Variants in CEP83 observed in about 807,000 individuals in gnomAD.
The protein encoded by CEP83 is centrosomal protein of 83 kDa.
CEP83 carries 70 observed loss-of-function variants against 101.9 expected under a neutral mutation model. That is an observed-to-expected ratio of 0.69 (90% CI 0.57 to 0.84). CEP83 has a LOEUF of 0.84. Among genes scored for constraint, CEP83 ranks in the 40% least tolerant of loss-of-function variants. The pLI is 0.00. For missense variants in CEP83, 715 were observed against 787.2 expected (o/e 0.91, Z 1.10); for synonymous variants, 264 against 267.9 (o/e 0.99, Z 0.14).
the CEP83 span, among the ~76,000 whole-genome samples, chr12:94,268,106 G>C: frequency 6.6e-6 from 1 of 152,118 alleles, no homozygotes; most frequent in South Asian, 2.1e-4. Context: ...GCAGGGACAC[G>C]TTTGGAAAAA....
In CEP83 at chr12:94,404,853, C is replaced by G. The variant is rs1040270062; in HGVS notation, c.325-1591G>C. On this transcript the variant is annotated intron_variant, in intron 4 of 16. Coordinates refer to ENST00000397809, the MANE Select transcript of CEP83 (RefSeq NM_016122.3). Reference sequence around the variant, plus strand: ...CCCTTCCTAAAACAATCTACAGATACACAAGCATGTATATCACTTTTGATT... The same window carrying G: ...CCCTTCCTAAAACAATCTACAGATAGACAAGCATGTATATCACTTTTGATT... Among the ~76,000 whole-genome samples, 8 of 152,226 alleles carry G rather than the reference C, an allele frequency of 5.3e-5. No homozygotes were observed. The East Asian group carries it at 1.5e-3, about 29-fold the overall frequency.
chr12:94,355,354 A>G (rs1283291483), intron 11 of CEP83, among the ~76,000 whole-genome samples: 1 of 152,028 alleles, frequency 6.6e-6, no homozygotes, highest in East Asian at 1.9e-4. Context: ...TTAGCCAGGC[A>G]TGGTGGCAGG....
chr12:94,322,080 C>A (rs2058770106), intron 14 of CEP83, among the ~76,000 whole-genome samples: 1 of 152,078 alleles, frequency 6.6e-6, no homozygotes, highest in African/African-American at 2.4e-5. Flanking sequence ...GCAGAACACA[C>A]TAACAGGAGG....
At chr12:94,325,150 C>A (rs1465890265) in intron 14 of CEP83, among the ~76,000 whole-genome samples, 2 of 151,968 alleles carry the variant, frequency 1.3e-5, no homozygotes, top group Non-Finnish European at 2.9e-5. Context: ...TAAAACAGCA[C>A]CCCCTACTCC....
intron 11 of CEP83, among the ~76,000 whole-genome samples, chr12:94,344,763 A>T (rs1275048481): frequency 6.6e-6 from 1 of 152,206 alleles, no homozygotes; most frequent in Admixed American, 6.5e-5. Flanking sequence ...TTGACCTAAA[A>T]ATCCAATACA....
chr12:94,355,552 C>T (rs368981224), intron 11 of CEP83, among the ~76,000 whole-genome samples: 16 of 152,258 alleles, frequency 1.1e-4, no homozygotes, highest in African/African-American at 3.4e-4. Flanking sequence ...AGAACTAAAA[C>T]GTAAAAATCA....
intron 11 of CEP83, among the ~76,000 whole-genome samples, chr12:94,341,086 A>C (rs985169828): frequency 6.6e-6 from 1 of 152,214 alleles, no homozygotes; most frequent in African/African-American, 2.4e-5. Context: ...AAACTCCTTT[A>C]ATTTTTACAT....
chr12:94,455,900 A>AT (rs1039885077), intron 1 of CEP83, among the ~76,000 whole-genome samples: 2 of 152,074 alleles, frequency 1.3e-5, no homozygotes, highest in African/African-American at 4.8e-5. Flanking sequence ...ACAAAAAAAA[A>AT]GCCAGGTGTG....
intron 12 of CEP83, among the ~76,000 whole-genome samples, chr12:94,334,009 G>GA (rs961603583): frequency 4.0e-5 from 6 of 150,614 alleles, no homozygotes; most frequent in African/African-American, 1.2e-4. Flanking sequence ...CACCTCCTAG[G>GA]AAAAAAAACT....
At chr12:94,325,177 C>CTT (rs199619275) in intron 14 of CEP83, among the ~76,000 whole-genome samples, 5 of 146,344 alleles carry the variant, frequency 3.4e-5, no homozygotes, top group East Asian at 2.0e-4. Context: ...TTTTCTCTCC[C>CTT]TTTTTTTTTT....
chr12:94,446,452 G>C (rs140846032), intron 1 of CEP83, among the ~76,000 whole-genome samples: 4 of 152,188 alleles, frequency 2.6e-5, no homozygotes, highest in Non-Finnish European at 5.9e-5. Flanking sequence ...GCTCATGCCT[G>C]TAATCCCAGC....
chr12:94,309,049 A>G lies in CEP83; in HGVS notation c.2002-132T>C, dbSNP rs1969421942. 9 of 615,312 alleles carry G rather than the reference A, an allele frequency of 1.5e-5. No homozygotes were observed. In the South Asian group the frequency reaches 1.8e-4, roughly 12 times the overall value. 38.1% of individuals were successfully genotyped at this position (615,312 alleles called of 1,614,324 possible). A position where few individuals can be genotyped will look rare whatever the true frequency, so the allele number is the denominator to read the frequency against. Reference sequence around the variant, plus strand: ...AATGCTGACCACTGTAGCAGTCTAAAAACAGTAGCATGGGCTAAACTACCA... The same window carrying G: ...AATGCTGACCACTGTAGCAGTCTAAGAACAGTAGCATGGGCTAAACTACCA... On this transcript the variant is annotated intron_variant, in intron 16 of 16. Coordinates refer to ENST00000397809, the MANE Select transcript of CEP83 (RefSeq NM_016122.3).
the CEP83 span, among the ~76,000 whole-genome samples, chr12:94,287,413 T>G: frequency 6.6e-6 from 1 of 152,102 alleles, no homozygotes; most frequent in Non-Finnish European, 1.5e-5. Context: ...GGCAGGGTGG[T>G]TTCTCTGGAG....
intron 11 of CEP83, among the ~76,000 whole-genome samples, chr12:94,336,631 T>C (rs2059459262): frequency 6.6e-6 from 1 of 152,194 alleles, no homozygotes; most frequent in South Asian, 2.1e-4. Flanking sequence ...CCTGAAGATA[T>C]GACCCATTGC....
At chr12:94,368,388 T>A in intron 9 of CEP83, 187 bp from the exon 10 acceptor site, 1 of 540,028 alleles carries the variant, frequency 1.9e-6, no homozygotes, top group South Asian at 2.9e-5. Flanking sequence ...AGGCTAAAAC[T>A]CAGAGCAAAT....
the CEP83 span, chr12:94,301,199 G>T: frequency 3.6e-6 from 2 of 562,308 alleles, no homozygotes; most frequent in Non-Finnish European, 2.9e-6. Flanking sequence ...TCAATTTGCT[G>T]TTATTTAAAA....
chr12:94,454,095 CA>C (rs200038665), intron 1 of CEP83, among the ~76,000 whole-genome samples: 8,788 of 100,296 alleles, frequency 0.088, 258 homozygotes, highest in Non-Finnish European at 0.1. Context: ...GACTATGTCT[CA>C]AAAAAAAAAA....
rs750985339 is a variant in CEP83, at chr12:94,378,964, C to T, written c.628G>A (p.Val210Met). 6.2e-7 allele frequency: 1 copy of T among 1,614,052 alleles called. No individual in the cohort carries two copies. Among genetic ancestry groups the T allele is most frequent in the South Asian group, 1.1e-5 (1 of 91,078 alleles). The change falls in exon 7 of 17, where the codon GTG (valine) becomes ATG (methionine). Residue 210 changes from valine (V) to methionine (M), a missense_variant. By Grantham distance (21) the Val-to-Met change is conservative (BLOSUM62 1). Coordinates refer to ENST00000397809, the MANE Select transcript of CEP83 (RefSeq NM_016122.3). ...NVDLTKDSKR[V>M]EQLAREKVYL... ...ACTTTTTCTCGAGCAAGTTGTTCCA[C>T]TCGTTTGCTGTCTTTTGTGAGATCA...
chr12:94,401,937 G>C (rs74632090), intron 5 of CEP83, among the ~76,000 whole-genome samples: 1 of 152,008 alleles, frequency 6.6e-6, no homozygotes, highest in African/African-American at 2.4e-5. Context: ...CAACTGTTTT[G>C]GGCAATTACC....
Sources: gnomAD v4.1 joint callset for allele counts (sites outside exome capture counted in the v4.1 genomes callset) on GRCh38, gnomAD v4.1.1 for gene constraint, MANE v1.5 for transcripts, NCBI Gene and HGNC (gene_info 2026-07-23, HGNC 2026-07-21) for gene names.